ADAM11: variants seen among roughly 807,000 people sequenced by gnomAD.
ADAM11 encodes the protein ADAM metallopeptidase domain 11, also known as disintegrin and metalloproteinase domain-containing protein 11.
Under a neutral mutation model 119.1 loss-of-function variants are expected in ADAM11, and 49 were observed. The observed-to-expected ratio is 0.41, with a 90% CI of 0.33 to 0.52. The LOEUF is 0.52. Among genes scored for constraint, ADAM11 ranks in the 20% least tolerant of loss-of-function variants. ADAM11 has a pLI of 0.20. For synonymous variants in ADAM11, 364 were observed against 408.0 expected (o/e 0.89, Z 1.30); for missense variants, 777 against 1,047.5 (o/e 0.74, Z 3.56).
intron 2 of ADAM11, among the ~76,000 whole-genome samples, chr17:44,766,585 G>A (rs567082782): frequency 3.7e-4 from 56 of 152,280 alleles, no homozygotes; most frequent in Admixed American, 9.8e-4. Flanking sequence ...GCCCCAGGGT[G>A]AGATCCAGCC....
At position 44,781,232 on chromosome 17, in the gene ADAM11, G is replaced by A. The variant is rs1263796711; in HGVS notation, c.*1478G>A. 6.6e-6 allele frequency: 1 copy of A among 152,216 alleles called. No homozygotes were observed. Among genetic ancestry groups the A allele is most frequent in the Non-Finnish European group, 1.5e-5 (1 of 68,034 alleles). 9.4% of individuals were successfully genotyped at this position (152,216 alleles called of 1,614,324 possible). On this transcript the variant is annotated 3_prime_UTR_variant, in exon 27 of 27. Transcript: ENST00000200557. ...GCACCTTCGAGGAGGCGTTGTGGAG[G>A]GCATCGCCCCCTGTTTATTCACAAC...
At chr17:44,765,203 G>T (rs1188305379) in intron 2 of ADAM11, among the ~76,000 whole-genome samples, 8 of 151,026 alleles carry the variant, frequency 5.3e-5, no homozygotes, top group African/African-American at 1.7e-4. Context: ...GGGGGTGGGT[G>T]GGGGGAGCTG....
In ADAM11 at chr17:44,759,278, G is replaced by A. The variant is rs1316503175; in HGVS notation, c.61+18G>A. 3 of 1,371,554 alleles carry A rather than the reference G, an allele frequency of 2.2e-6. No homozygotes were observed. Among genetic ancestry groups the A allele is most frequent in the Non-Finnish European group, 2.8e-6 (3 of 1,064,068 alleles). 85.0% of individuals were successfully genotyped at this position (1,371,554 alleles called of 1,614,324 possible). A position where few individuals can be genotyped will look rare whatever the true frequency, so the allele number is the denominator to read the frequency against. ...CACGCCCGGTGAGTGACCCCCGCCC[G>A]GCCCCGGCGCCCCCTCCCTGCCCCC... is the stretch of plus-strand genomic sequence containing the variant. On this transcript the variant is annotated intron_variant, in intron 1 of 26. Transcript: ENST00000200557.
chr17:44,762,137 G>A (rs570655190), intron 2 of ADAM11, among the ~76,000 whole-genome samples: 4 of 152,258 alleles, frequency 2.6e-5, no homozygotes, highest in East Asian at 1.9e-4. Flanking sequence ...TGTAACTTTT[G>A]TCAGCCCCAT....
chr17:44,761,890 T>C (rs1033877502), intron 2 of ADAM11, among the ~76,000 whole-genome samples: 8 of 152,202 alleles, frequency 5.3e-5, no homozygotes, highest in African/African-American at 1.7e-4. Context: ...TGGCGTGATC[T>C]CTGCTCACCC....
intron 2 of ADAM11, 87 bp downstream of exon 2, chr17:44,759,984 C>A: frequency 8.3e-7 from 1 of 1,201,806 alleles, no homozygotes; most frequent in Non-Finnish European, 1.1e-6. Context: ...TTGGAGTCCC[C>A]CTCAGCAGCT....
At chr17:44,769,650 G>A (rs1428943238) in intron 2 of ADAM11, 68 bp from the exon 3 acceptor site, 27 of 1,056,096 alleles carry the variant, frequency 2.6e-5, no homozygotes, top group African/African-American at 7.8e-5. Context: ...TGTTGCTCCC[G>A]GGATCCCCCC....
In ADAM11 at chr17:44,773,308, A is replaced by G. The variant is rs368254578; in HGVS notation, c.873A>G (p.Glu291=). The G allele has an allele frequency of 3.7e-6, 6 of 1,614,016 alleles. No individual in the cohort carries two copies. The highest frequency in any genetic ancestry group is 5.1e-6 in the Non-Finnish European group (6 of 1,179,992). Residue 291 remains glutamate, a synonymous_variant, in exon 11 of 27, where the codon GAA becomes GAG. Coordinates refer to ENST00000200557, the MANE Select transcript of ADAM11 (RefSeq NM_002390.6). The surrounding 1 kb of genome is among the most constrained non-coding windows in gnomAD (Gnocchi z 4.6). ...LNTRIVLVAM[E]TWADGDKIQV... is the part of the protein sequence containing the mutation. ...CTCGCATCGTCCTGGTTGCCATGGA[A>G]ACATGGGCAGATGGGGACAAGATCC...
intron 2 of ADAM11, among the ~76,000 whole-genome samples, chr17:44,764,736 G>A (rs2049426925): frequency 6.6e-6 from 1 of 152,112 alleles, no homozygotes; most frequent in Non-Finnish European, 1.5e-5. Context: ...CATAAAATGG[G>A]GATGCTCATA....
chr17:44,774,581 A>C lies in ADAM11; in HGVS notation c.1167A>C (p.Ala389=), dbSNP rs372246114. 6.2e-7 allele frequency: 1 copy of C among 1,612,498 alleles called. No individual in the cohort carries two copies. Among genetic ancestry groups the C allele is most frequent in the African/African-American group, 1.3e-5 (1 of 74,912 alleles). ...TGTGGAACAAACACCGGAGCTCGGCAGGTATCCTCCCCCAGAGGCCCCCGT... is the reference window on the plus strand; with the variant it reads ...TGTGGAACAAACACCGGAGCTCGGCCGGTATCCTCCCCCAGAGGCCCCCGT... ...GMMWNKHRSS[A]GDCKCPDIWL... is the part of the protein sequence containing the mutation. The change falls in exon 13 of 27, where the codon GCA becomes GCC. Residue 389 remains alanine, a splice_region_variant and synonymous_variant. Coordinates refer to ENST00000200557, the MANE Select transcript of ADAM11 (RefSeq NM_002390.6).
At position 44,775,528 on chromosome 17, in the gene ADAM11, C is replaced by T. The variant is rs2049588054; in HGVS notation, c.1393-56C>T. 14 of 1,569,906 alleles carry T rather than the reference C, an allele frequency of 8.9e-6. No individual in the cohort carries two copies. Among genetic ancestry groups the T allele is most frequent in the Admixed American group, 1.9e-5 (1 of 53,972 alleles). ...TGCGGGGGTGGGCACGAGGGAGCGT[C>T]TGAGTGGGAGGATTAGGGCTCGCCC... is the stretch of plus-strand genomic sequence containing the variant. On this transcript the variant is annotated intron_variant, in intron 16 of 26. Coordinates refer to ENST00000200557, the MANE Select transcript of ADAM11 (RefSeq NM_002390.6). The surrounding 1 kb of genome is among the most constrained non-coding windows in gnomAD (Gnocchi z 7.5).
chr17:44,776,268 T>C lies in ADAM11; in HGVS notation c.1566+61T>C. ...CGAGGCAACCCCTACCCTTGTCGAT[T>C]TGGTTTTCCCGGACGAGTGCTCAGC... On this transcript the variant is annotated intron_variant, in intron 18 of 26. Coordinates refer to ENST00000200557, the MANE Select transcript of ADAM11 (RefSeq NM_002390.6). The surrounding 1 kb of genome is among the most constrained non-coding windows in gnomAD (Gnocchi z 5.2). 1 of 1,592,142 alleles carries C rather than the reference T, an allele frequency of 6.3e-7. No individual in the cohort carries two copies. Among genetic ancestry groups the C allele is most frequent in the East Asian group, 2.2e-5 (1 of 44,558 alleles).
intron 2 of ADAM11, among the ~76,000 whole-genome samples, chr17:44,760,973 C>T (rs543635412): frequency 2.0e-4 from 29 of 142,584 alleles, no homozygotes; most frequent in African/African-American, 7.4e-4. Context: ...TCACTCAGGG[C>T]CGTGCAGAGG....
chr17:44,779,456 G>A (rs944708154), intron 26 of ADAM11: 7 of 985,266 alleles, frequency 7.1e-6, no homozygotes, highest in South Asian at 4.7e-5. Flanking sequence ...CTCAGGCCAC[G>A]TCCTTCTCGA....
Position 44,779,236 on chromosome 17 carries a change from GA to G in ADAM11, c.2293del (p.Arg765GlyfsTer147). ...TGWGFKNIRR[G>X]RSGGA ...TCCCCCTGCAGAAACATTCGCCGAG[GA>G]AGGTACGACCCGACCCAGCAGGGGG... On this transcript the variant is annotated frameshift_variant and splice_region_variant, in exon 26 of 27. Transcript: ENST00000200557. LOFTEE classifies it high-confidence loss of function. 6.3e-7 allele frequency: 1 copy of G among 1,583,132 alleles called. No homozygotes were observed. Among genetic ancestry groups the G allele is most frequent in the Admixed American group, 1.8e-5 (1 of 54,376 alleles).
In ADAM11 at chr17:44,780,697, A is replaced by G; in HGVS notation, c.*943A>G. On this transcript the variant is annotated 3_prime_UTR_variant, in exon 27 of 27. Transcript: ENST00000200557. ...CCCCACCTGGGCCATCTTTCTGGGG[A>G]GGACTCTCCCAGGTAGGGAAGGCCA... 6.4e-6 allele frequency: 1 copy of G among 155,680 alleles called. No individual in the cohort carries two copies. Among genetic ancestry groups the G allele is most frequent in the Non-Finnish European group, 1.4e-5 (1 of 70,516 alleles). The allele number at this position is 155,680 out of a possible 1,614,324, so 9.6% of individuals were successfully genotyped here. A position where few individuals can be genotyped will look rare whatever the true frequency, so the allele number is the denominator to read the frequency against.
rs774361323 is a variant in ADAM11, at chr17:44,759,297, TGCCCCC to T, written c.61+43_61+48del. On this transcript the variant is annotated intron_variant, in intron 1 of 26. Coordinates refer to ENST00000200557, the MANE Select transcript of ADAM11 (RefSeq NM_002390.6). ...CCGCCCGGCCCCGGCGCCCCCTCCC[TGCCCCC>T]GCCCCGGGATGTGCGGCGCTTGCTG... 2.3e-3 allele frequency: 3,081 copies of T among 1,342,308 alleles called. 5 individuals are homozygous for T. The highest frequency in any genetic ancestry group is 2.8e-3 in the Non-Finnish European group (2,918 of 1,048,038). 83.1% of individuals were successfully genotyped at this position (1,342,308 alleles called of 1,614,324 possible). A position where few individuals can be genotyped will look rare whatever the true frequency, so the allele number is the denominator to read the frequency against.
chr17:44,780,322 G>A lies in ADAM11; in HGVS notation c.*568G>A. 2.8e-6 allele frequency: 1 copy of A among 362,314 alleles called. No homozygotes were observed. The highest frequency in any genetic ancestry group is 5.4e-6 in the Non-Finnish European group (1 of 186,816). 22.4% of individuals were successfully genotyped at this position (362,314 alleles called of 1,614,324 possible). On this transcript the variant is annotated 3_prime_UTR_variant, in exon 27 of 27. Transcript: ENST00000200557. Reference sequence around the variant, plus strand: ...GGCCATGCCCTAGACCCTCCCCAAGGATGACCACACCCGAAGTCCTGTCAC... The same window carrying A: ...GGCCATGCCCTAGACCCTCCCCAAGAATGACCACACCCGAAGTCCTGTCAC...
chr17:44,771,775 A>G lies in ADAM11; in HGVS notation c.487A>G (p.Asn163Asp), dbSNP rs756636001. The G allele has an allele frequency of 6.2e-7, 1 of 1,613,620 alleles. No individual in the cohort carries two copies. Among genetic ancestry groups the G allele is most frequent in the South Asian group, 1.1e-5 (1 of 91,072 alleles). Residue 163 changes from asparagine (N) to aspartate (D), a missense_variant, in exon 6 of 27, where the codon AAC (asparagine) becomes GAC (aspartate). This residue lies in a region of ADAM11 where 278 missense variants were observed against 310.1 expected (regional missense o/e 0.90). Transcript: ENST00000200557. ...CCACAGTGGGGTCTTCTCTGATGGG[A>G]ACTTGACTTACATCGTGGAGCCCCA... is the stretch of plus-strand genomic sequence containing the variant. ...QGLHGVFSDG[N>D]LTYIVEPQEV... is the part of the protein sequence containing the mutation.
Sources: gnomAD v4.1 joint callset for allele counts (sites outside exome capture counted in the v4.1 genomes callset) on GRCh38, gnomAD v4.1.1 for gene constraint, gnomAD v4.1.1 regional missense constraint, Gnocchi (gnomAD v3.1) non-coding constraint, MANE v1.5 for transcripts, NCBI Gene and HGNC (gene_info 2026-07-23, HGNC 2026-07-21) for gene names.